Variants in SLC37A1 observed in about 807,000 individuals in gnomAD.
SLC37A1 encodes the protein glucose-6-phosphate exchanger SLC37A1.
Under a neutral mutation model 75.3 loss-of-function variants are expected in SLC37A1, and 49 were observed. That is an observed-to-expected ratio of 0.65 (90% CI 0.52 to 0.83). SLC37A1 has a LOEUF of 0.83. Ranked by LOEUF, SLC37A1 falls within the 40% of genes least tolerant of loss-of-function variation. The pLI is 0.00. For missense variants in SLC37A1, 566 were observed against 695.0 expected, an observed-to-expected ratio of 0.81 and a Z score of 2.09; for synonymous variants, 268 against 292.1, an observed-to-expected ratio of 0.92 and a Z score of 0.84.
chr21:42,574,053 GCA>G (rs978954572), intron 17 of SLC37A1, among the ~76,000 whole-genome samples: 23 of 152,030 alleles, frequency 1.5e-4, no homozygotes, highest in South Asian at 4.1e-4. Flanking sequence ...ACACATATAT[GCA>G]CACACACATG....
upstream of SLC37A1, among the ~76,000 whole-genome samples, chr21:42,511,958 A>G (rs2054437803): frequency 6.6e-6 from 1 of 151,970 alleles, no homozygotes. Context: ...ACAAAGTTTC[A>G]CTTAGGAAAG....
intron 3 of SLC37A1, among the ~76,000 whole-genome samples, chr21:42,529,724 C>T (rs1403161568): frequency 2.6e-5 from 4 of 152,146 alleles, no homozygotes; most frequent in African/African-American, 4.8e-5. Context: ...GAATTCAGAT[C>T]GCCAGGAAAT....
Position 42,530,654 on chromosome 21 carries a change from A to ACACACCCCCC in SLC37A1, c.139-4043_139-4042insACACCCCCCC, listed in dbSNP as rs1161313598. On this transcript the variant is annotated intron_variant, in intron 3 of 19. Transcript: ENST00000352133. ...CACACACACACACACACACACACAC[A>ACACACCCCCC]CCCCCTCTGTGTTGGCTGAAGGTGG... Among the ~76,000 whole-genome samples the ACACACCCCCC allele has an allele frequency of 2.9e-3, 104 of 35,864 alleles. 4 individuals are homozygous for ACACACCCCCC. The highest frequency in any genetic ancestry group is 4.0e-3 in the Non-Finnish European group (76 of 19,088). 23.5% of individuals were successfully genotyped at this position (35,864 alleles called of 152,430 possible).
At chr21:42,537,595 G>C (rs939464014) in intron 5 of SLC37A1, among the ~76,000 whole-genome samples, 1 of 152,062 alleles carries the variant, frequency 6.6e-6, no homozygotes, top group Non-Finnish European at 1.5e-5. Context: ...TAGAAACCAG[G>C]GTGCTGCTAA....
intron 6 of SLC37A1, among the ~76,000 whole-genome samples, chr21:42,540,391 A>T (rs1026392056): frequency 6.6e-6 from 1 of 152,142 alleles, no homozygotes; most frequent in African/African-American, 2.4e-5. Context: ...TACAAAGGAA[A>T]ACCTGCAGCT....
chr21:42,532,970 G>A (rs541232833), intron 3 of SLC37A1, among the ~76,000 whole-genome samples: 19 of 152,352 alleles, frequency 1.2e-4, no homozygotes, highest in African/African-American at 4.1e-4. Context: ...GCTGCATCAC[G>A]TGTGACATGC....
chr21:42,535,318 G>T (rs1293148565), intron 4 of SLC37A1, among the ~76,000 whole-genome samples, 154 bp from the exon 5 acceptor site: 2 of 152,258 alleles, frequency 1.3e-5, no homozygotes, highest in East Asian at 3.8e-4. Context: ...AAACTGAACA[G>T]AAAATGCACC....
chr21:42,563,031 C>T (rs1455499255), intron 12 of SLC37A1, among the ~76,000 whole-genome samples: 6 of 152,092 alleles, frequency 3.9e-5, no homozygotes, highest in Admixed American at 1.3e-4. Context: ...GTTGAGGAGG[C>T]GGTCTGGGGA....
At chr21:42,549,808 T>G (rs1271623279) in intron 9 of SLC37A1, among the ~76,000 whole-genome samples, 1 of 152,238 alleles carries the variant, frequency 6.6e-6, no homozygotes, top group Non-Finnish European at 1.5e-5. Context: ...AGTTCCCATG[T>G]GGAAGTGTTA....
At chr21:42,559,179 C>A (rs2839551) in intron 11 of SLC37A1, 90 bp downstream of exon 11, 149,729 of 1,491,178 alleles carry the variant, frequency 0.1, 9,546 homozygotes, top group African/African-American at 0.28. Flanking sequence ...CTTAAAAAGA[C>A]ATCTGTGGTT....
At chr21:42,507,331 C>T (rs1177087184) in intron 2 of SLC37A1, among the ~76,000 whole-genome samples, 1 of 152,162 alleles carries the variant, frequency 6.6e-6, no homozygotes, top group Non-Finnish European at 1.5e-5. Context: ...CCAGGGCATG[C>T]GCCTTCTGAT....
intron 8 of SLC37A1, among the ~76,000 whole-genome samples, chr21:42,544,013 A>C (rs577960233): frequency 6.6e-6 from 1 of 152,374 alleles, no homozygotes; most frequent in African/African-American, 2.4e-5. Flanking sequence ...AGACTGACTT[A>C]ATATCTTAAC....
intron 17 of SLC37A1, among the ~76,000 whole-genome samples, chr21:42,573,303 C>A (rs924558602): frequency 3.3e-5 from 5 of 150,232 alleles, no homozygotes; most frequent in Non-Finnish European, 5.9e-5. Flanking sequence ...TCTTGCTGAC[C>A]CCCTTCCGTT....
rs552610279 is a variant in SLC37A1 at position 42,572,677 on chromosome 21, C to CA, written c.1424-2127dup. On this transcript the variant is annotated intron_variant, in intron 17 of 19. Transcript: ENST00000352133. ...TAACAGGTTTTCAGCCACACACACA[C>CA]AAAAAAAAAAAAAAGAGTGTGTCCT... Among the ~76,000 whole-genome samples the CA allele has an allele frequency of 1.3e-3, 107 of 80,504 alleles. 2 individuals are homozygous for CA. Among genetic ancestry groups the CA allele is most frequent in the Middle Eastern group, 6.6e-3 (1 of 152 alleles). The allele number at this position is 80,504 out of a possible 152,430, so 52.8% of individuals were successfully genotyped here. A position where few individuals can be genotyped will look rare whatever the true frequency, so the allele number is the denominator to read the frequency against.
rs780550845 is a variant in SLC37A1, at chr21:42,567,040, C to T, written c.1326C>T (p.Thr442=). The T allele has an allele frequency of 3.7e-6, 6 of 1,609,020 alleles. No homozygotes were observed. The Admixed American group carries it at 5.0e-5, about 13-fold the overall frequency. ...LVSGPYTLIT[T]AVSADLGTHK... ...GTGGGCCCTACACACTCATCACCAC[C>T]GCCGTCTCCGCCGACCTGGTGAGTA... Residue 442 remains threonine (T), a synonymous_variant, in exon 16 of 20, where the codon ACC becomes ACT. Coordinates refer to ENST00000352133, the MANE Select transcript of SLC37A1 (RefSeq NM_001320537.2).
intron 8 of SLC37A1, among the ~76,000 whole-genome samples, chr21:42,544,898 C>T (rs62215927): frequency 0.13 from 19,207 of 152,204 alleles, 1,827 homozygotes; most frequent in African/African-American, 0.27. Flanking sequence ...CACAGGGGCC[C>T]CTGGGTGTCT....
At chr21:42,575,468 G>A (rs749945470) in intron 18 of SLC37A1, 163 of 985,434 alleles carry the variant, frequency 1.7e-4, no homozygotes, top group Non-Finnish European at 1.9e-4. Flanking sequence ...TCGCCTTCTG[G>A]CTTCTGCCCC....
intron 18 of SLC37A1, 101 bp from the exon 19 acceptor site, chr21:42,579,635 A>ACC (rs2056379557): frequency 3.8e-6 from 4 of 1,047,504 alleles, no homozygotes. Flanking sequence ...GGAGAGAGCC[A>ACC]CCCGCCCAGG....
Position 42,579,843 on chromosome 21 carries a change from T to C in SLC37A1, c.1586+43T>C, listed in dbSNP as rs748362525. The C allele has an allele frequency of 6.3e-6, 10 of 1,594,728 alleles. No homozygotes were observed. In the African/African-American group the frequency reaches 1.2e-4, roughly 19 times the overall value. On this transcript the variant is annotated intron_variant, in intron 19 of 19. Coordinates refer to ENST00000352133, the MANE Select transcript of SLC37A1 (RefSeq NM_001320537.2). ...CCTGTCTCCGTGCGTGAAAGCCGGC[T>C]CCAAAGTGCCTTCTGTCCTATCTGC... is the stretch of plus-strand genomic sequence containing the variant.
Sources: gnomAD v4.1 joint callset for allele counts (sites outside exome capture counted in the v4.1 genomes callset) on GRCh38, gnomAD v4.1.1 for gene constraint, MANE v1.5 for transcripts, NCBI Gene and HGNC (gene_info 2026-07-23, HGNC 2026-07-21) for gene names.